Variants in SLC25A2 observed in about 807,000 individuals in gnomAD.
SLC25A2 encodes the protein mitochondrial ornithine transporter 2.
In SLC25A2, 6 loss-of-function variants were observed where a neutral mutation model predicts 7.4. That is an observed-to-expected ratio of 0.82 (90% confidence interval 0.45 to 1.61). The LOEUF is 1.61. Ranked by LOEUF, SLC25A2 falls within the 40% of genes most tolerant of loss-of-function variation. SLC25A2 has a pLI of 0.01. For missense variants in SLC25A2, 356 were observed against 377.3 expected (o/e 0.94, Z 0.47); for synonymous variants, 158 against 153.4 (o/e 1.03, Z -0.22).
rs560337427 is a variant in SLC25A2, at chr5:141,303,761, C to T, written c.105G>A (p.Val35=). Residue 35 remains valine (V), a synonymous_variant, in exon 1 of 1, where the codon GTG becomes GTA. Transcript: ENST00000239451. The stretch of plus-strand genomic sequence containing the variant: ...ACAGGTCAGGGAACGTCTGCATCTT[C>T]ACTTTTATTGTGTCGAAGGGCTGCC... ...LTGQPFDTIK[V]KMQTFPDLYK... The T allele has an allele frequency of 9.3e-6, 15 of 1,614,108 alleles. No homozygotes were observed. In the African/African-American group the frequency reaches 1.1e-4, roughly 11 times the overall value.
chr5:141,303,261 C>A lies in SLC25A2; in HGVS notation c.605G>T (p.Arg202Ile). Residue 202 changes from arginine (R) to isoleucine (I), a missense_variant, in exon 1 of 1, where the codon AGA becomes ATA. Physicochemically the swap from Arg to Ile is moderately conservative, Grantham distance 97. Transcript: ENST00000239451. ...ELSRSFFASG[R>I]SKDELGPVHL... Reference sequence around the variant, plus strand: ...GACAGGGCCTAGTTCATCTTTTGATCTCCCTGACGCAAAAAACGATCGGCT... The same window carrying A: ...GACAGGGCCTAGTTCATCTTTTGATATCCCTGACGCAAAAAACGATCGGCT... 1 of 1,614,170 alleles carries A rather than the reference C, an allele frequency of 6.2e-7. No homozygotes were observed. The highest frequency in any genetic ancestry group is 8.5e-7 in the Non-Finnish European group (1 of 1,180,028).
Position 141,303,734 on chromosome 5 carries a change from G to GT in SLC25A2, c.131dup (p.Tyr44Ter), listed in dbSNP as rs562886845. 13,413 of 1,614,230 alleles carry GT rather than the reference G, an allele frequency of 8.3e-3. 94 individuals are homozygous for GT. Among genetic ancestry groups the GT allele is most frequent in the Non-Finnish European group, 9.3e-3 (10,991 of 1,180,036 alleles). ...TCAGGAAGCAGTCGGTGAGGCCCTT[G>GT]TACAGGTCAGGGAACGTCTGCATCT... is the stretch of plus-strand genomic sequence containing the variant. ...KVKMQTFPDL[Y>*]KGLTDCFLKT... Residue 44 changes from tyrosine to a stop codon, truncating the protein, a stop_gained and frameshift_variant, in exon 1 of 1, where the codon TAC (tyrosine) becomes TAAC (stop). Coordinates refer to ENST00000239451, the MANE Select transcript of SLC25A2 (RefSeq NM_031947.4). LOFTEE classifies it high-confidence loss of function.
At position 141,303,917 on chromosome 5, in the gene SLC25A2, C is replaced by G; in HGVS notation, c.-52G>C. 1.3e-6 allele frequency: 2 copies of G among 1,562,000 alleles called. No homozygotes were observed. The highest frequency in any genetic ancestry group is 1.7e-6 in the Non-Finnish European group (2 of 1,153,940). ...GTGGAAGGCGACTAACTCCCCAGAG[C>G]GTGAGACCGGCTTTTCACGTCCAGC... is the stretch of plus-strand genomic sequence containing the variant. On this transcript the variant is annotated 5_prime_UTR_variant, in exon 1 of 1. Coordinates refer to ENST00000239451, the MANE Select transcript of SLC25A2 (RefSeq NM_031947.4).
In SLC25A2 at chr5:141,302,673, G is replaced by A. The variant is rs1402363864; in HGVS notation, c.*287C>T. The stretch of plus-strand genomic sequence containing the variant: ...CTTTATGCAAAGGCCCTGACAGAAC[G>A]ATATTTAGTTTTTCAGATTAGGTAC... On this transcript the variant is annotated 3_prime_UTR_variant, in exon 1 of 1. Transcript: ENST00000239451. 3 of 307,790 alleles carry A rather than the reference G, an allele frequency of 9.7e-6. No homozygotes were observed. Among genetic ancestry groups the A allele is most frequent in the Non-Finnish European group, 1.8e-5 (3 of 167,672 alleles). The allele number at this position is 307,790 out of a possible 1,614,324, so 19.1% of individuals were successfully genotyped here. A position where few individuals can be genotyped will look rare whatever the true frequency, so the allele number is the denominator to read the frequency against.
Position 141,302,838 on chromosome 5 carries a change from G to GC in SLC25A2, c.*121_*122insG. On this transcript the variant is annotated 3_prime_UTR_variant, in exon 1 of 1. Coordinates refer to ENST00000239451, the MANE Select transcript of SLC25A2 (RefSeq NM_031947.4). ...AAGTTAAGATTTAGGGTAGAAGAAGGGAAGATAAAACCAAAATTCCCATGA... is the reference window on the plus strand; with the variant it reads ...AAGTTAAGATTTAGGGTAGAAGAAGGCGAAGATAAAACCAAAATTCCCATGA... 1.1e-6 allele frequency: 1 copy of GC among 908,646 alleles called. No homozygotes were observed. Among genetic ancestry groups the GC allele is most frequent in the Non-Finnish European group, 1.6e-6 (1 of 613,690 alleles). The allele number at this position is 908,646 out of a possible 1,614,324, so 56.3% of individuals were successfully genotyped here.
Position 141,303,651 on chromosome 5 carries a change from A to AT in SLC25A2, c.214dup (p.Met72AsnfsTer35), listed in dbSNP as rs1564062213. 1 of 1,614,274 alleles carries AT rather than the reference A, an allele frequency of 6.2e-7. No individual in the cohort carries two copies. Among genetic ancestry groups the AT allele is most frequent in the Non-Finnish European group, 8.5e-7 (1 of 1,180,050 alleles). ...GACCGAGTTTTCGGCGACGTAGGCCATAAGTGCCGGGCCGGTGCCCTTGTA... is the reference window on the plus strand; with the variant it reads ...GACCGAGTTTTCGGCGACGTAGGCCATTAAGTGCCGGGCCGGTGCCCTTGTA... On this transcript the variant is annotated frameshift_variant, in exon 1 of 1. Transcript: ENST00000239451. LOFTEE classifies it high-confidence loss of function.
In SLC25A2 at chr5:141,304,002, GCT is replaced by G; in HGVS notation, c.-139_-138del. On this transcript the variant is annotated 5_prime_UTR_variant, in exon 1 of 1. Transcript: ENST00000239451. Reference sequence around the variant, plus strand: ...GGGGTGGCTCTACCGCCTGTTCTGGGCTCTCACCCCAGTGCGGGGGAAGCCGC... The same window carrying G: ...GGGGTGGCTCTACCGCCTGTTCTGGGCTCACCCCAGTGCGGGGGAAGCCGC... 1.0e-6 allele frequency: 1 copy of G among 999,238 alleles called. No homozygotes were observed. The highest frequency in any genetic ancestry group is 1.5e-6 in the Non-Finnish European group (1 of 688,588). The allele number at this position is 999,238 out of a possible 1,614,324, so 61.9% of individuals were successfully genotyped here. A position where few individuals can be genotyped will look rare whatever the true frequency, so the allele number is the denominator to read the frequency against.
Position 141,303,927 on chromosome 5 carries a change from G to A in SLC25A2, c.-62C>T. The A allele has an allele frequency of 6.5e-7, 1 of 1,537,752 alleles. No individual in the cohort carries two copies. The highest frequency in any genetic ancestry group is 2.3e-5 in the East Asian group (1 of 43,050). On this transcript the variant is annotated 5_prime_UTR_variant, in exon 1 of 1. Coordinates refer to ENST00000239451, the MANE Select transcript of SLC25A2 (RefSeq NM_031947.4). ...ACTAACTCCCCAGAGCGTGAGACCG[G>A]CTTTTCACGTCCAGCCGCAGCGAGC...
rs782018087 is a variant in SLC25A2, at chr5:141,303,652, T to C, written c.214A>G (p.Met72Val). 15 of 1,614,124 alleles carry C rather than the reference T, an allele frequency of 9.3e-6. No homozygotes were observed. Among genetic ancestry groups the C allele is most frequent in the Non-Finnish European group, 1.3e-5 (15 of 1,180,048 alleles). The change falls in exon 1 of 1, where the codon ATG (methionine) becomes GTG (valine). Residue 72 changes from methionine (M) to valine (V), a missense_variant. By Grantham distance (21) the Met-to-Val change is conservative (BLOSUM62 1). Coordinates refer to ENST00000239451, the MANE Select transcript of SLC25A2 (RefSeq NM_031947.4). ...ACCGAGTTTTCGGCGACGTAGGCCA[T>C]AAGTGCCGGGCCGGTGCCCTTGTAG... ...GFYKGTGPAL[M>V]AYVAENSVLF...
Position 141,303,412 on chromosome 5 carries a change from T to C in SLC25A2, c.454A>G (p.Thr152Ala), listed in dbSNP as rs1755938160. Residue 152 changes from threonine to alanine, a missense_variant, in exon 1 of 1, where the codon ACA becomes GCA. Physicochemically the swap from Thr to Ala is moderately conservative, Grantham distance 58 (BLOSUM62 0). Coordinates refer to ENST00000239451, the MANE Select transcript of SLC25A2 (RefSeq NM_031947.4). ...MSGKIAKSHN[T>A]IWSVVKGILK... ...ATACCCTTCACGACAGACCAAATTG[T>C]ATTATGGCTTTTTGCTATCTTCCCT... is the stretch of plus-strand genomic sequence containing the variant. 2 of 1,614,186 alleles carry C rather than the reference T, an allele frequency of 1.2e-6. No individual in the cohort carries two copies. The highest frequency in any genetic ancestry group is 1.7e-6 in the Non-Finnish European group (2 of 1,180,030).
chr5:141,302,954 G>A lies in SLC25A2; in HGVS notation c.*6C>T. The A allele has an allele frequency of 6.2e-7, 1 of 1,608,152 alleles. No homozygotes were observed. The highest frequency in any genetic ancestry group is 8.5e-7 in the Non-Finnish European group (1 of 1,177,028). ...ATGGACTCGGATCCAGGTTCACCAA[G>A]ACACTTCAGTATGCTTCCAACTGTT... is the stretch of plus-strand genomic sequence containing the variant. On this transcript the variant is annotated 3_prime_UTR_variant, in exon 1 of 1. Coordinates refer to ENST00000239451, the MANE Select transcript of SLC25A2 (RefSeq NM_031947.4).
At position 141,303,573 on chromosome 5, in the gene SLC25A2, A is replaced by C; in HGVS notation, c.293T>G (p.Met98Arg). ...ATCACTCAGCTTTGCCTGCTTGTCCATTCCAGCCACTTTCCTGACAAACTG... is the reference window on the plus strand; with the variant it reads ...ATCACTCAGCTTTGCCTGCTTGTCCCTTCCAGCCACTTTCCTGACAAACTG... ...CQQFVRKVAGMDKQAKLSDLQ... is the reference protein window; with the variant it reads ...CQQFVRKVAGRDKQAKLSDLQ... Residue 98 changes from methionine to arginine, a missense_variant, in exon 1 of 1, where the codon ATG becomes AGG. Met to Arg is a moderately conservative substitution (Grantham distance 91). Transcript: ENST00000239451. 1 of 1,614,206 alleles carries C rather than the reference A, an allele frequency of 6.2e-7. No homozygotes were observed. The highest frequency in any genetic ancestry group is 8.5e-7 in the Non-Finnish European group (1 of 1,180,036).
In SLC25A2 at chr5:141,303,662, G is replaced by A. The variant is rs782577647; in HGVS notation, c.204C>T (p.Gly68=). The part of the protein sequence containing the change: ...VGLRGFYKGT[G]PALMAYVAEN... ...CGGCGACGTAGGCCATAAGTGCCGG[G>A]CCGGTGCCCTTGTAGAAGCCCCGGA... The change falls in exon 1 of 1, where the codon GGC becomes GGT. Residue 68 remains glycine, a synonymous_variant. Transcript: ENST00000239451. The A allele has an allele frequency of 2.5e-6, 4 of 1,614,256 alleles. No individual in the cohort carries two copies. The highest frequency in any genetic ancestry group is 3.4e-6 in the Non-Finnish European group (4 of 1,180,048).
chr5:141,303,207 C>G lies in SLC25A2; in HGVS notation c.659G>C (p.Gly220Ala). 2 of 1,614,200 alleles carry G rather than the reference C, an allele frequency of 1.2e-6. No homozygotes were observed. Among genetic ancestry groups the G allele is most frequent in the Non-Finnish European group, 1.7e-6 (2 of 1,180,036 alleles). ...VHLMLSGGVA[G>A]ICLWLVVFPV... is the part of the protein sequence containing the mutation. ...GAACACGACAAGCCACAGGCAAATT[C>G]CAGCAACTCCACCACTTAACATCAA... is the stretch of plus-strand genomic sequence containing the variant. The change falls in exon 1 of 1, where the codon GGA (glycine) becomes GCA (alanine). Residue 220 changes from glycine to alanine, a missense_variant. Gly to Ala is a moderately conservative substitution (Grantham distance 60). Coordinates refer to ENST00000239451, the MANE Select transcript of SLC25A2 (RefSeq NM_031947.4).
Position 141,303,736 on chromosome 5 carries a change from A to G in SLC25A2, c.130T>C (p.Tyr44His). Residue 44 changes from tyrosine to histidine, a missense_variant, in exon 1 of 1, where the codon TAC becomes CAC. Coordinates refer to ENST00000239451, the MANE Select transcript of SLC25A2 (RefSeq NM_031947.4). ...KVKMQTFPDL[Y>H]KGLTDCFLKT... is the part of the protein sequence containing the mutation. ...AGGAAGCAGTCGGTGAGGCCCTTGT[A>G]CAGGTCAGGGAACGTCTGCATCTTC... 6.2e-7 allele frequency: 1 copy of G among 1,614,148 alleles called. No individual in the cohort carries two copies. The highest frequency in any genetic ancestry group is 8.5e-7 in the Non-Finnish European group (1 of 1,179,976).
chr5:141,303,885 G>GGTCC lies in SLC25A2; in HGVS notation c.-24_-21dup. On this transcript the variant is annotated 5_prime_UTR_variant, in exon 1 of 1. Transcript: ENST00000239451. ...CTTCATGTTCGCTCACTCGTCTGAG[G>GGTCC]GTCCCAGTGGAAGGCGACTAACTCC... The GGTCC allele has an allele frequency of 6.2e-7, 1 of 1,605,236 alleles. No individual in the cohort carries two copies. The highest frequency in any genetic ancestry group is 8.5e-7 in the Non-Finnish European group (1 of 1,175,266).
Position 141,302,828 on chromosome 5 carries a change from G to A in SLC25A2, c.*132C>T. 1.3e-6 allele frequency: 1 copy of A among 785,424 alleles called. No individual in the cohort carries two copies. Among genetic ancestry groups the A allele is most frequent in the East Asian group, 2.7e-5 (1 of 36,786 alleles). 48.7% of individuals were successfully genotyped at this position (785,424 alleles called of 1,614,324 possible). ...CCCTTCCATAAAGTTAAGATTTAGG[G>A]TAGAAGAAGGGAAGATAAAACCAAA... On this transcript the variant is annotated 3_prime_UTR_variant, in exon 1 of 1. Coordinates refer to ENST00000239451, the MANE Select transcript of SLC25A2 (RefSeq NM_031947.4).
chr5:141,302,933 A>C lies in SLC25A2; in HGVS notation c.*27T>G. Reference sequence around the variant, plus strand: ...TGAACTGTAGTCCTCAAACTCATGGACTCGGATCCAGGTTCACCAAGACAC... The same window carrying C: ...TGAACTGTAGTCCTCAAACTCATGGCCTCGGATCCAGGTTCACCAAGACAC... On this transcript the variant is annotated 3_prime_UTR_variant, in exon 1 of 1. Coordinates refer to ENST00000239451, the MANE Select transcript of SLC25A2 (RefSeq NM_031947.4). 1.3e-6 allele frequency: 2 copies of C among 1,593,462 alleles called. No homozygotes were observed. The highest frequency in any genetic ancestry group is 1.7e-6 in the Non-Finnish European group (2 of 1,170,374).
At position 141,303,824 on chromosome 5, in the gene SLC25A2, T is replaced by G. The variant is rs782759160; in HGVS notation, c.42A>C (p.Thr14=). ...GPGIQAAIDL[T]AGAAGGTACV... ...ACGCTGTCCCCCCTGCGGCCCCCGC[T>G]GTGAGGTCGATGGCGGCTTGGATGC... Residue 14 remains threonine, a synonymous_variant, in exon 1 of 1, where the codon ACA becomes ACC. Coordinates refer to ENST00000239451, the MANE Select transcript of SLC25A2 (RefSeq NM_031947.4). 6.2e-7 allele frequency: 1 copy of G among 1,614,194 alleles called. No homozygotes were observed. Among genetic ancestry groups the G allele is most frequent in the Non-Finnish European group, 8.5e-7 (1 of 1,180,020 alleles).
Sources: gnomAD v4.1 joint callset for allele counts on GRCh38, gnomAD v4.1.1 for gene constraint, MANE v1.5 for transcripts, NCBI Gene and HGNC (gene_info 2026-07-23, HGNC 2026-07-21) for gene names.